Variants in EXTL3 observed in about 807,000 individuals in gnomAD.
The protein encoded by EXTL3 is exostosin like glycosyltransferase 3.
Under a neutral mutation model 69.3 loss-of-function variants are expected in EXTL3, and 27 were observed. That is an observed-to-expected ratio of 0.39 (90% CI 0.29 to 0.54). The LOEUF is 0.54. Ranked by LOEUF, EXTL3 falls within the 20% of genes least tolerant of loss-of-function variation. The pLI is 0.69. For missense variants in EXTL3, 1,003 were observed against 1,231.8 expected, an observed-to-expected ratio of 0.81 and a Z score of 2.78; for synonymous variants, 511 against 499.4, an observed-to-expected ratio of 1.02 and a Z score of -0.31.
chr8:28,733,581 CA>C (rs1486025158), intron 4 of EXTL3, among the ~76,000 whole-genome samples: 1 of 131,284 alleles, frequency 7.6e-6, no homozygotes, highest in Non-Finnish European at 1.6e-5. Context: ...TTTTTTTGTA[CA>C]GATGGGTTCT....
intron 3 of EXTL3, among the ~76,000 whole-genome samples, chr8:28,719,525 A>T (rs1801250549): frequency 6.6e-6 from 1 of 152,030 alleles, no homozygotes. Flanking sequence ...TTTGCTTTAA[A>T]TTTTTTCTTA....
At chr8:28,622,027 G>C (rs1206811624), upstream of EXTL3, among the ~76,000 whole-genome samples, 1 of 152,090 alleles carries the variant, frequency 6.6e-6, no homozygotes, top group Non-Finnish European at 1.5e-5. Flanking sequence ...GCATGTACGG[G>C]AAGAGTTCTG....
chr8:28,710,658 G>C (rs1239386442), intron 1 of EXTL3, among the ~76,000 whole-genome samples: 12 of 147,572 alleles, frequency 8.1e-5, no homozygotes, highest in Non-Finnish European at 1.6e-4. Context: ...TGTCACCCAG[G>C]TGTGATCTCA....
chr8:28,671,077 T>A (rs1263654096), intron 1 of EXTL3, among the ~76,000 whole-genome samples: 1 of 150,610 alleles, frequency 6.6e-6, no homozygotes, highest in Non-Finnish European at 1.5e-5. Context: ...GCCTCCCGGG[T>A]TGAAGCGATT....
At chr8:28,704,700 G>T (rs775091943) in intron 1 of EXTL3, among the ~76,000 whole-genome samples, 2 of 150,350 alleles carry the variant, frequency 1.3e-5, no homozygotes, top group East Asian at 3.9e-4. Context: ...ACGGCGTCTC[G>T]CTCTTTTCGC....
At chr8:28,662,911 T>C (rs893356304) in intron 1 of EXTL3, among the ~76,000 whole-genome samples, 2 of 152,176 alleles carry the variant, frequency 1.3e-5, no homozygotes, top group African/African-American at 4.8e-5. Context: ...GAACCACGAT[T>C]GTGCCACTGC....
chr8:28,737,481 C>T, intron 4 of EXTL3, 38 bp from the exon 5 acceptor site: 1 of 1,613,352 alleles, frequency 6.2e-7, no homozygotes, highest in Non-Finnish European at 8.5e-7. Flanking sequence ...CCCTAGAGCT[C>T]TGTATTCAGG....
upstream of EXTL3, among the ~76,000 whole-genome samples, chr8:28,619,174 T>C (rs1806370197): frequency 7.1e-6 from 1 of 141,648 alleles, no homozygotes; most frequent in Non-Finnish European, 1.5e-5. Context: ...TTTTCCCTGC[T>C]CTAACAGGAG....
chr8:28,719,457 A>C (rs1016631449), intron 3 of EXTL3, among the ~76,000 whole-genome samples: 1 of 152,158 alleles, frequency 6.6e-6, no homozygotes, highest in Non-Finnish European at 1.5e-5. Flanking sequence ...TCCTCTCTAC[A>C]TCATTTCTGT....
intron 1 of EXTL3, among the ~76,000 whole-genome samples, chr8:28,695,983 T>A (rs1346140386): frequency 2.6e-5 from 4 of 152,162 alleles, no homozygotes; most frequent in African/African-American, 9.7e-5. Context: ...AGTGGTGCGA[T>A]CACGGCTCAC....
At chr8:28,706,900 A>G (rs1002054291) in intron 1 of EXTL3, among the ~76,000 whole-genome samples, 9 of 152,056 alleles carry the variant, frequency 5.9e-5, no homozygotes, top group Non-Finnish European at 1.0e-4. Flanking sequence ...AACCTGTTGA[A>G]CATTTCTGGA....
intron 1 of EXTL3, among the ~76,000 whole-genome samples, chr8:28,664,987 C>T (rs1279338066): frequency 2.0e-5 from 3 of 151,102 alleles, no homozygotes; most frequent in African/African-American, 7.3e-5. Context: ...CTACCTGACT[C>T]TATCACCCTT....
intron 1 of EXTL3, among the ~76,000 whole-genome samples, chr8:28,648,116 A>G (rs950432107): frequency 6.6e-6 from 1 of 152,016 alleles, no homozygotes; most frequent in Non-Finnish European, 1.5e-5. Context: ...TACTGTATTT[A>G]TTCTTTACTG....
intron 1 of EXTL3, among the ~76,000 whole-genome samples, chr8:28,664,874 A>T (rs1371408091): frequency 6.6e-6 from 1 of 152,064 alleles, no homozygotes; most frequent in African/African-American, 2.4e-5. Flanking sequence ...TAATCTGAAG[A>T]TGAGTTCCTC....
intron 1 of EXTL3, among the ~76,000 whole-genome samples, chr8:28,652,706 T>G (rs1806946851): frequency 6.6e-6 from 1 of 151,574 alleles, no homozygotes; most frequent in Non-Finnish European, 1.5e-5. Context: ...TATATAGCCA[T>G]CTTAGGTGTG....
intron 4 of EXTL3, among the ~76,000 whole-genome samples, chr8:28,732,054 T>C (rs78908035): frequency 0.017 from 2,527 of 152,280 alleles, 38 homozygotes; most frequent in Non-Finnish European, 0.024. Context: ...CAGAACCACG[T>C]AGAAGCTAGA....
rs538699251 is a variant in EXTL3, at chr8:28,729,869, T to TA, written c.2149-1353dup. On this transcript the variant is annotated intron_variant, in intron 3 of 6. Coordinates refer to ENST00000220562, the MANE Select transcript of EXTL3 (RefSeq NM_001440.4). ...TTTTTTTTTTTTTAAAGTTATGAAT[T>TA]AGAGTTTTGGCTCTTGCAACTTGCC... 3.5e-3 allele frequency among the ~76,000 whole-genome samples: 531 copies of TA among 151,738 alleles called. 6 individuals carry two copies. The highest frequency in any genetic ancestry group is 0.012 in the African/African-American group (506 of 41,356).
At chr8:28,718,585 T>C (rs1442149784) in intron 3 of EXTL3, among the ~76,000 whole-genome samples, 5 of 152,218 alleles carry the variant, frequency 3.3e-5, no homozygotes, top group African/African-American at 1.2e-4. Context: ...TTGTGACATA[T>C]TATCGCTGTT....
At chr8:28,659,563 G>A (rs1259172319) in intron 1 of EXTL3, among the ~76,000 whole-genome samples, 1 of 152,040 alleles carries the variant, frequency 6.6e-6, no homozygotes, top group Non-Finnish European at 1.5e-5. Context: ...CCTTGACCGG[G>A]GCCTACAGCA....
Sources: allele counts gnomAD v4.1 joint callset (sites outside exome capture counted in the v4.1 genomes callset), GRCh38; gene constraint gnomAD v4.1.1; transcripts MANE v1.5; gene names NCBI Gene and HGNC (gene_info 2026-07-23, HGNC 2026-07-21).